Variants in NUP62CL observed in about 807,000 individuals in gnomAD.
NUP62CL encodes nucleoporin-62 C-terminal-like protein.
NUP62CL carries 13 observed loss-of-function variants against 15.3 expected under a neutral mutation model. That is an observed-to-expected ratio of 0.85 (90% CI 0.55 to 1.35). The LOEUF (loss-of-function observed/expected upper bound fraction) is 1.35. Ranked by LOEUF, NUP62CL falls within the 40% of genes most tolerant of loss-of-function variation. The pLI is 0.00. For synonymous variants in NUP62CL, 54 were observed against 49.2 expected, an observed-to-expected ratio of 1.10 and a Z score of -0.41; for missense variants, 123 against 130.6, an observed-to-expected ratio of 0.94 and a Z score of 0.28.
intron 4 of NUP62CL, among the ~76,000 whole-genome samples, chrX:107,165,784 T>G (rs1926503067): frequency 9.0e-6 from 1 of 111,404 alleles, no homozygotes; most frequent in African/African-American, 3.3e-5. Flanking sequence ...TTGACAAAGG[T>G]GCAAAAGCAA....
At chrX:107,204,690 T>C (rs890560075) in intron 1 of NUP62CL, among the ~76,000 whole-genome samples, 2 of 101,805 alleles carry the variant, frequency 2.0e-5, no homozygotes, top group Non-Finnish European at 3.8e-5. Flanking sequence ...TTTAAATAAA[T>C]TATTTATTTA....
At chrX:107,166,829 C>T (rs186444219) in intron 4 of NUP62CL, among the ~76,000 whole-genome samples, 4 of 111,566 alleles carry the variant, frequency 3.6e-5, no homozygotes, top group African/African-American at 1.3e-4. Context: ...CCAAAGGTCA[C>T]ATATATATGA....
At chrX:107,152,030 G>T (rs1926023578) in intron 7 of NUP62CL, among the ~76,000 whole-genome samples, 1 of 65,092 alleles carries the variant, frequency 1.5e-5, no homozygotes, top group African/African-American at 7.1e-5. Context: ...ACTTCATCTT[G>T]AATATATATA....
chrX:107,174,523 C>T (rs1184138038), intron 3 of NUP62CL, among the ~76,000 whole-genome samples: 2 of 111,184 alleles, frequency 1.8e-5, no homozygotes, highest in African/African-American at 6.6e-5. Context: ...GTTGGGGTTA[C>T]GAGATAATGT....
rs141494421 is a variant in NUP62CL at position 107,175,531 on chromosome X, C to T, written c.-47-338G>A. On this transcript the variant is annotated intron_variant, in intron 2 of 8. Coordinates refer to ENST00000372466, the MANE Select transcript of NUP62CL (RefSeq NM_017681.3). ...TAAATCCATAACCAGCAAAAAGTTC[C>T]AGCAAAAAGTTACTTTTTTTTCTTT... Among the ~76,000 whole-genome samples, 10 of 111,937 alleles carry T rather than the reference C, an allele frequency of 8.9e-5. No homozygotes were observed. The East Asian group carries it at 2.8e-3, about 32-fold the overall frequency.
intron 8 of NUP62CL, among the ~76,000 whole-genome samples, chrX:107,141,435 C>T (rs1341249103): frequency 8.9e-6 from 1 of 111,963 alleles, no homozygotes; most frequent in African/African-American, 3.2e-5. Flanking sequence ...GGTTAAGAGA[C>T]GCTAAAAGTG....
chrX:107,183,865 C>T (rs1010009906), intron 2 of NUP62CL, among the ~76,000 whole-genome samples: 1 of 110,770 alleles, frequency 9.0e-6, no homozygotes, highest in African/African-American at 3.3e-5. Flanking sequence ...AACACCCTCG[C>T]CAGGGTGGTA....
intron 8 of NUP62CL, among the ~76,000 whole-genome samples, chrX:107,139,653 G>A (rs961392299): frequency 1.8e-5 from 2 of 111,768 alleles, no homozygotes; most frequent in African/African-American, 3.3e-5. Context: ...AGCCTTCACC[G>A]TATGTTTCCT....
intron 8 of NUP62CL, among the ~76,000 whole-genome samples, chrX:107,146,218 A>G (rs1469571872): frequency 9.0e-6 from 1 of 111,258 alleles, no homozygotes; most frequent in Non-Finnish European, 1.9e-5. Context: ...ATGGAGTGAT[A>G]TTTTTGAGAC....
At chrX:107,160,987 T>G (rs1602649494) in intron 4 of NUP62CL, among the ~76,000 whole-genome samples, 1 of 111,331 alleles carries the variant, frequency 9.0e-6, no homozygotes, top group East Asian at 2.8e-4. Flanking sequence ...GAACAGACAC[T>G]TCTCAAAAGA....
rs548978133 is a variant in NUP62CL, at chrX:107,182,436, A to G, written c.-47-7243T>C. ...ATCACAATTTCCTCCATCTAGTGCT[A>G]TAAGGATCCCAAAATCAGCCTTAAT... On this transcript the variant is annotated intron_variant, in intron 2 of 8. Coordinates refer to ENST00000372466, the MANE Select transcript of NUP62CL (RefSeq NM_017681.3). Among the ~76,000 whole-genome samples, 11 of 112,469 alleles carry G rather than the reference A, an allele frequency of 9.8e-5. No individual in the cohort carries two copies. The South Asian group carries it at 2.6e-3, about 27-fold the overall frequency.
At chrX:107,198,380 A>G (rs945718011) in intron 1 of NUP62CL, among the ~76,000 whole-genome samples, 1 of 111,572 alleles carries the variant, frequency 9.0e-6, no homozygotes, top group African/African-American at 3.3e-5. Flanking sequence ...AAAGCTGGCC[A>G]CCCGAGCCAG....
Position 107,124,292 on chromosome X carries a change from G to A in NUP62CL, c.*83C>T, listed in dbSNP as rs975160682. 3 of 339,686 alleles carry A rather than the reference G, an allele frequency of 8.8e-6. No individual in the cohort carries two copies. The highest frequency in any genetic ancestry group is 5.3e-5 in the African/African-American group (2 of 37,595). 28.0% of individuals were successfully genotyped at this position (339,686 alleles called of 1,213,427 possible). A position where few individuals can be genotyped will look rare whatever the true frequency, so the allele number is the denominator to read the frequency against. ...CATGCTCCTCGTGACGATAATCCTCGAAAACCCGTGTTACCACTTCTACCT... is the reference window on the plus strand; with the variant it reads ...CATGCTCCTCGTGACGATAATCCTCAAAAACCCGTGTTACCACTTCTACCT... On this transcript the variant is annotated 3_prime_UTR_variant, in exon 9 of 9. Coordinates refer to ENST00000372466, the MANE Select transcript of NUP62CL (RefSeq NM_017681.3).
intron 4 of NUP62CL, among the ~76,000 whole-genome samples, chrX:107,155,984 G>A (rs1252312060): frequency 8.9e-6 from 1 of 112,301 alleles, no homozygotes; most frequent in Non-Finnish European, 1.9e-5. Flanking sequence ...CAAGGGGTCA[G>A]GGAGTTCCCT....
chrX:107,157,092 G>T (rs1290407), intron 4 of NUP62CL, among the ~76,000 whole-genome samples: 5,614 of 108,230 alleles, frequency 0.052, 394 homozygotes, highest in African/African-American at 0.18. Flanking sequence ...AGAATAAAAA[G>T]AAATGAGCAA....
At chrX:107,134,673 C>T (rs926050157) in intron 8 of NUP62CL, among the ~76,000 whole-genome samples, 3 of 109,403 alleles carry the variant, frequency 2.7e-5, no homozygotes, top group East Asian at 2.9e-4. Flanking sequence ...AGGCTGGTGT[C>T]GGACTCATGA....
At chrX:107,157,876 G>A (rs1199687774) in intron 4 of NUP62CL, among the ~76,000 whole-genome samples, 4 of 110,594 alleles carry the variant, frequency 3.6e-5, no homozygotes, top group African/African-American at 1.3e-4. Context: ...GCTGTATTCA[G>A]GAGACCCATC....
At chrX:107,174,205 G>A (rs1347395773) in intron 3 of NUP62CL, among the ~76,000 whole-genome samples, 1 of 98,880 alleles carries the variant, frequency 1.0e-5, no homozygotes, top group Non-Finnish European at 2.0e-5. Flanking sequence ...AGGCTGGAGT[G>A]CAGTGGTGCA....
chrX:107,152,711 TAC>T (rs781148943), intron 7 of NUP62CL, among the ~76,000 whole-genome samples: 2 of 112,060 alleles, frequency 1.8e-5, no homozygotes, highest in Admixed American at 1.9e-4. Context: ...TTGAAAGCTA[TAC>T]AGTTTGCCTC....
Sources: gnomAD v4.1 joint callset for allele counts (sites outside exome capture counted in the v4.1 genomes callset) on GRCh38, gnomAD v4.1.1 for gene constraint, MANE v1.5 for transcripts, NCBI Gene and HGNC (gene_info 2026-07-23, HGNC 2026-07-21) for gene names.